KCNQ1: variants seen among roughly 807,000 people sequenced by gnomAD.
KCNQ1 encodes potassium voltage-gated channel subfamily Q member 1.
Under a neutral mutation model 72.4 loss-of-function variants are expected in KCNQ1, and 49 were observed. The observed-to-expected ratio is 0.68, with a 90% CI of 0.54 to 0.86. KCNQ1 has a LOEUF of 0.86. Ranked by LOEUF, KCNQ1 falls within the 40% of genes least tolerant of loss-of-function variation. The pLI is 0.00. For missense variants in KCNQ1, 790 were observed against 945.1 expected, an observed-to-expected ratio of 0.84 and a Z score of 2.15; for synonymous variants, 450 against 412.6, an observed-to-expected ratio of 1.09 and a Z score of -1.10.
chr11:2,764,775 A>G lies in KCNQ1; in HGVS notation c.1515-4069A>G, dbSNP rs562816556. 4.3e-4 allele frequency among the ~76,000 whole-genome samples: 66 copies of G among 152,336 alleles called. No homozygotes were observed. The South Asian group carries it at 0.013, about 30-fold the overall frequency. On this transcript the variant is annotated intron_variant, in intron 11 of 15. Transcript: ENST00000155840. The surrounding 1 kb of genome is among the most constrained non-coding windows in gnomAD (Gnocchi z 4.8). The stretch of plus-strand genomic sequence containing the variant: ...ATAATTTGTATATTTTATCTAAATC[A>G]TCAAAAGTATTTTTGTTTGTAATGT...
Position 2,589,627 on chromosome 11 carries a change from G to A in KCNQ1, c.1393+773G>A, listed in dbSNP as rs189210432. Among the ~76,000 whole-genome samples, 93 of 152,298 alleles carry A rather than the reference G, an allele frequency of 6.1e-4. 1 individual carries two copies. In the East Asian group the frequency reaches 0.016, roughly 27 times the overall value. On this transcript the variant is annotated intron_variant, in intron 10 of 15. Transcript: ENST00000155840. ...TGGCTCCCACGAGTGAGGCCCTGGA[G>A]GCTGGGCCCATGTGCTTCAGCCACA...
Position 2,537,947 on chromosome 11 carries a change from T to C in KCNQ1, c.477+9929T>C, listed in dbSNP as rs10832272. On this transcript the variant is annotated intron_variant, in intron 2 of 15. Coordinates refer to ENST00000155840, the MANE Select transcript of KCNQ1 (RefSeq NM_000218.3). The surrounding 1 kb of genome is among the most constrained non-coding windows in gnomAD (Gnocchi z 5.2). ...CCTAGGCTGGTCTTAAACTCCTGAG[T>C]TCAAACAATCCTCCCACCTCGGCCA... Among the ~76,000 whole-genome samples, 77,942 of 152,008 alleles carry C rather than the reference T, an allele frequency of 0.51. 23,235 individuals are homozygous for C. Among genetic ancestry groups the C allele is most frequent in the Non-Finnish European group, 0.66 (45,060 of 67,972 alleles).
At position 2,687,623 on chromosome 11, in the gene KCNQ1, C is replaced by G. The variant is rs1203509578; in HGVS notation, c.1514+25542C>G. The G allele has an allele frequency of 2.5e-6, 1 of 398,576 alleles. No individual in the cohort carries two copies. Among genetic ancestry groups the G allele is most frequent in the Non-Finnish European group, 4.4e-6 (1 of 226,136 alleles). 24.7% of individuals were successfully genotyped at this position (398,576 alleles called of 1,614,324 possible). A position where few individuals can be genotyped will look rare whatever the true frequency, so the allele number is the denominator to read the frequency against. ...AAGGGGCAGAGATCCCTTCTCCATTCCTCTCAGGCCCCTGTAAAAATTGGG... is the reference window on the plus strand; with the variant it reads ...AAGGGGCAGAGATCCCTTCTCCATTGCTCTCAGGCCCCTGTAAAAATTGGG... On this transcript the variant is annotated intron_variant, in intron 11 of 15. Transcript: ENST00000155840. This position sits in a 1 kb window ranked among gnomAD's most constrained non-coding sequence, Gnocchi z 5.0.
chr11:2,735,386 C>A lies in KCNQ1; in HGVS notation c.1515-33458C>A, dbSNP rs1251812414. ...ATGGCCGCCCCCACCTCCCCTCCCG[C>A]AAGCTTCTCCCCTTCCTTCAGAGCC... On this transcript the variant is annotated intron_variant, in intron 11 of 15. Coordinates refer to ENST00000155840, the MANE Select transcript of KCNQ1 (RefSeq NM_000218.3). The surrounding 1 kb of genome is among the most constrained non-coding windows in gnomAD (Gnocchi z 7.7). Among the ~76,000 whole-genome samples the A allele has an allele frequency of 6.6e-6, 1 of 151,906 alleles. No homozygotes were observed. The highest frequency in any genetic ancestry group is 1.5e-5 in the Non-Finnish European group (1 of 67,946).
At chr11:2,568,820 C>G (rs764023217) in intron 2 of KCNQ1, among the ~76,000 whole-genome samples, 6 of 152,168 alleles carry the variant, frequency 3.9e-5, no homozygotes, top group South Asian at 2.1e-4. Context: ...GACCCACACC[C>G]CCCCCATGAG....
chr11:2,617,996 T>C lies in KCNQ1; in HGVS notation c.1393+29142T>C, dbSNP rs1849096130. On this transcript the variant is annotated intron_variant, in intron 10 of 15. Coordinates refer to ENST00000155840, the MANE Select transcript of KCNQ1 (RefSeq NM_000218.3). This position sits in a 1 kb window ranked among gnomAD's most constrained non-coding sequence, Gnocchi z 4.6. Reference sequence around the variant, plus strand: ...CTAGTCCATAGGTTGCCTTTTCCTTTTGTTGACTGTTTCCGTTCCTGTGCA... The same window carrying C: ...CTAGTCCATAGGTTGCCTTTTCCTTCTGTTGACTGTTTCCGTTCCTGTGCA... 1.5e-5 allele frequency: 6 copies of C among 398,620 alleles called. No homozygotes were observed. Among genetic ancestry groups the C allele is most frequent in the Middle Eastern group, 6.3e-4 (1 of 1,588 alleles). The allele number at this position is 398,620 out of a possible 1,614,324, so 24.7% of individuals were successfully genotyped here.
chr11:2,693,429 A>T, intron 11 of KCNQ1: 3 of 398,682 alleles, frequency 7.5e-6, no homozygotes, highest in Non-Finnish European at 1.3e-5. Flanking sequence ...TTGTTTTGCC[A>T]GGCGCTGGCC....
chr11:2,694,701 C>T (rs951254877), intron 11 of KCNQ1: 1 of 398,612 alleles, frequency 2.5e-6, no homozygotes. Flanking sequence ...CTCTTGGGGC[C>T]TCTCTTCCGG....
chr11:2,571,431 C>T (rs757690651), intron 4 of KCNQ1, 28 bp downstream of exon 4: 9 of 1,584,754 alleles, frequency 5.7e-6, no homozygotes, highest in Non-Finnish European at 7.7e-6. Flanking sequence ...GCTCCCCCCG[C>T]CATGCCGCCC....
chr11:2,666,355 G>A (rs1850067227), intron 11 of KCNQ1: 1 of 398,630 alleles, frequency 2.5e-6, no homozygotes, highest in Non-Finnish European at 4.4e-6. Flanking sequence ...GCAAGCATGT[G>A]CTTGCCTGGC....
rs532728814 is a variant in KCNQ1 at position 2,481,548 on chromosome 11, C to T, written c.386+36064C>T. ...CTACCAGTCCATGGCCTGTTAGGAA[C>T]CAGGCTGCACAGCAGGAGGTGAGTG... On this transcript the variant is annotated intron_variant, in intron 1 of 15. Coordinates refer to ENST00000155840, the MANE Select transcript of KCNQ1 (RefSeq NM_000218.3). This position sits in a 1 kb window ranked among gnomAD's most constrained non-coding sequence, Gnocchi z 4.6. Among the ~76,000 whole-genome samples, 2 of 152,306 alleles carry T rather than the reference C, an allele frequency of 1.3e-5. No homozygotes were observed. The highest frequency in any genetic ancestry group is 1.3e-4 in the Admixed American group (2 of 15,308).
chr11:2,456,918 G>A (rs192361177), intron 1 of KCNQ1, among the ~76,000 whole-genome samples: 2 of 131,004 alleles, frequency 1.5e-5, no homozygotes, highest in East Asian at 4.5e-4. Context: ...CAGCCTGGGT[G>A]ACAGAGCAAG....
chr11:2,581,481 C>T (rs1322224214), intron 6 of KCNQ1, among the ~76,000 whole-genome samples: 1 of 152,218 alleles, frequency 6.6e-6, no homozygotes. Flanking sequence ...ACCCTGCAGA[C>T]GAGGGGCTCC....
intron 11 of KCNQ1, among the ~76,000 whole-genome samples, chr11:2,717,390 C>T (rs1851111340): frequency 6.6e-6 from 1 of 152,212 alleles, no homozygotes; most frequent in Admixed American, 6.5e-5. Context: ...CAATGTTCCC[C>T]AAAATCTACA....
intron 15 of KCNQ1, among the ~76,000 whole-genome samples, chr11:2,844,816 G>A (rs1001562715): frequency 8.5e-5 from 13 of 152,238 alleles, no homozygotes; most frequent in Non-Finnish European, 1.8e-4. Context: ...ATGTTCATCT[G>A]TGATGTATTT....
rs984602928 is a variant in KCNQ1, at chr11:2,813,729, C to T, written c.1795-34038C>T. Among the ~76,000 whole-genome samples, 12 of 151,996 alleles carry T rather than the reference C, an allele frequency of 7.9e-5. No homozygotes were observed. Among genetic ancestry groups the T allele is most frequent in the African/African-American group, 2.7e-4 (11 of 41,370 alleles). On this transcript the variant is annotated intron_variant, in intron 15 of 15. Transcript: ENST00000155840. This position sits in a 1 kb window ranked among gnomAD's most constrained non-coding sequence, Gnocchi z 4.4. Reference sequence around the variant, plus strand: ...CATCAGTGCCTTTTGATCTTGTTGCCGCAAGATACACAGGAGGCAGCTGCT... The same window carrying T: ...CATCAGTGCCTTTTGATCTTGTTGCTGCAAGATACACAGGAGGCAGCTGCT...
intron 2 of KCNQ1, among the ~76,000 whole-genome samples, chr11:2,532,048 T>G (rs948544716): frequency 1.4e-4 from 21 of 152,310 alleles, no homozygotes; most frequent in African/African-American, 4.6e-4. Flanking sequence ...CAAGCCCTCT[T>G]CTCTGGACCT....
chr11:2,700,220 A>C (rs924475319), intron 11 of KCNQ1, among the ~76,000 whole-genome samples: 2 of 152,124 alleles, frequency 1.3e-5, no homozygotes, highest in African/African-American at 4.8e-5. Context: ...CGCATGAGGC[A>C]CTGGCTGGGT....
In KCNQ1 at chr11:2,570,633, C is replaced by A. The variant is rs146981549; in HGVS notation, c.483C>A (p.Ile161=). 8 of 1,612,462 alleles carry A rather than the reference C, an allele frequency of 5.0e-6. No homozygotes were observed. The highest frequency in any genetic ancestry group is 2.7e-5 in the African/African-American group (2 of 74,944). The change falls in exon 3 of 16, where the codon ATC becomes ATA. Residue 161 remains isoleucine, a synonymous_variant. Coordinates refer to ENST00000155840, the MANE Select transcript of KCNQ1 (RefSeq NM_000218.3). ...GTCCCACTCTGTCCCTGCAGGAGAT[C>A]GTGCTGGTGGTGTTCTTCGGGACGG... ...LATGTLFWME[I]VLVVFFGTEY...
Sources: gnomAD v4.1 joint callset for allele counts (sites outside exome capture counted in the v4.1 genomes callset) on GRCh38, gnomAD v4.1.1 for gene constraint, Gnocchi (gnomAD v3.1) non-coding constraint, MANE v1.5 for transcripts, NCBI Gene and HGNC (gene_info 2026-07-23, HGNC 2026-07-21) for gene names.